ADARB2: variants seen among roughly 807,000 people sequenced by gnomAD.
ADARB2 encodes the protein inactive double-stranded RNA-specific editase B2.
Under a neutral mutation model 62.2 loss-of-function variants are expected in ADARB2, and 25 were observed. The ratio of observed to expected loss-of-function variants is 0.40; its 90% CI spans 0.29 to 0.56. The LOEUF is 0.56. Ranked by LOEUF, ADARB2 falls within the 20% of genes least tolerant of loss-of-function variation. The pLI is 0.43. For synonymous variants in ADARB2, 572 were observed against 500.8 expected (o/e 1.14, Z -1.90); for missense variants, 1,071 against 1,077.4 (o/e 0.99, Z 0.08).
At chr10:1,709,661 A>G (rs1834928624) in intron 1 of ADARB2, among the ~76,000 whole-genome samples, 1 of 152,210 alleles carries the variant, frequency 6.6e-6, no homozygotes, top group Non-Finnish European at 1.5e-5. Context: ...ACATTCTGAA[A>G]GTATCTTCAA....
In ADARB2 at chr10:1,613,701, G is replaced by T. The variant is rs138641276; in HGVS notation, c.100+123350C>A. Reference sequence around the variant, plus strand: ...GAGTCTTCAAAGGTGGAGTTGAATAGACATGTTTCTTATTAGCTGGTTTCT... The same window carrying T: ...GAGTCTTCAAAGGTGGAGTTGAATATACATGTTTCTTATTAGCTGGTTTCT... On this transcript the variant is annotated intron_variant, in intron 1 of 9. Coordinates refer to ENST00000381312, the MANE Select transcript of ADARB2 (RefSeq NM_018702.4). 3.0e-3 allele frequency among the ~76,000 whole-genome samples: 463 copies of T among 152,312 alleles called. 3 individuals carry two copies. Among genetic ancestry groups the T allele is most frequent in the African/African-American group, 0.01 (436 of 41,548 alleles).
At chr10:1,581,642 G>T (rs1157668512) in intron 1 of ADARB2, among the ~76,000 whole-genome samples, 2 of 152,196 alleles carry the variant, frequency 1.3e-5, no homozygotes, top group African/African-American at 4.8e-5. Context: ...GTGTGTGTGT[G>T]TATACCTATA....
rs1830627991 is a variant in ADARB2, at chr10:1,216,750, CAG to C, written c.1682+199_1682+200del. On this transcript the variant is annotated intron_variant, in intron 7 of 9. Coordinates refer to ENST00000381312, the MANE Select transcript of ADARB2 (RefSeq NM_018702.4). ...CTCGGGTGGCAGGGCCTTGCTCCCT[CAG>C]GGACTCGGGGTGCCTTGGCCTCAGG... 7.0e-6 allele frequency: 5 copies of C among 714,086 alleles called. No homozygotes were observed. In the South Asian group the frequency reaches 9.5e-5, roughly 14 times the overall value. The allele number at this position is 714,086 out of a possible 1,614,324, so 44.2% of individuals were successfully genotyped here.
chr10:1,611,079 A>G (rs1005776026), intron 1 of ADARB2, among the ~76,000 whole-genome samples: 1 of 152,198 alleles, frequency 6.6e-6, no homozygotes, highest in African/African-American at 2.4e-5. Flanking sequence ...CGTGTCTGCA[A>G]GTAGTCCTAA....
intron 1 of ADARB2, among the ~76,000 whole-genome samples, chr10:1,631,958 G>T (rs1281821935): frequency 6.6e-6 from 1 of 151,968 alleles, no homozygotes. Flanking sequence ...ATCTTAGAGA[G>T]GAGCTTGCCA....
At chr10:1,507,564 T>G in intron 1 of ADARB2, among the ~76,000 whole-genome samples, 1 of 152,180 alleles carries the variant, frequency 6.6e-6, no homozygotes, top group East Asian at 1.9e-4. Flanking sequence ...CGTCTGGAGA[T>G]GTTTACCCTC....
intron 1 of ADARB2, among the ~76,000 whole-genome samples, chr10:1,640,684 A>G (rs1266082471): frequency 6.6e-6 from 1 of 152,210 alleles, no homozygotes; most frequent in African/African-American, 2.4e-5. Flanking sequence ...ACATGCACAC[A>G]CATAAATGTC....
chr10:1,334,624 A>G lies in ADARB2; in HGVS notation c.1077+28404T>C, dbSNP rs185074325. 1.3e-3 allele frequency among the ~76,000 whole-genome samples: 192 copies of G among 152,372 alleles called. 2 individuals are homozygous for G. Among genetic ancestry groups the G allele is most frequent in the African/African-American group, 4.4e-3 (183 of 41,582 alleles). On this transcript the variant is annotated intron_variant, in intron 3 of 9. Transcript: ENST00000381312. ...TATAACTTTAATAGATGAATCTTTA[A>G]GATTGCAAGGCCGATTATTTTCTGT...
At chr10:1,311,623 C>T (rs542913052) in intron 3 of ADARB2, among the ~76,000 whole-genome samples, 1 of 152,202 alleles carries the variant, frequency 6.6e-6, no homozygotes, top group Non-Finnish European at 1.5e-5. Flanking sequence ...CCCCACCACA[C>T]AGATGAAGAC....
chr10:1,461,814 A>G (rs1831178240), intron 1 of ADARB2, among the ~76,000 whole-genome samples: 1 of 152,156 alleles, frequency 6.6e-6, no homozygotes, highest in Admixed American at 6.5e-5. Context: ...ATCCTGGCCA[A>G]CATGGTGAAA....
At chr10:1,427,840 C>T (rs908216165) in intron 1 of ADARB2, among the ~76,000 whole-genome samples, 1 of 152,176 alleles carries the variant, frequency 6.6e-6, no homozygotes, top group Non-Finnish European at 1.5e-5. Context: ...AGGTGTTCAT[C>T]AGTGGTGAAT....
intron 2 of ADARB2, among the ~76,000 whole-genome samples, chr10:1,375,972 TGCACACACAC>T (rs1166254870): frequency 7.5e-4 from 112 of 149,750 alleles, no homozygotes; most frequent in African/African-American, 2.6e-3. Flanking sequence ...CACACACATG[TGCACACACAC>T]GCACACACAC....
intron 4 of ADARB2, among the ~76,000 whole-genome samples, chr10:1,251,423 C>A (rs1037460198): frequency 6.6e-6 from 1 of 152,042 alleles, no homozygotes; most frequent in East Asian, 1.9e-4. Context: ...GGGGATGAGG[C>A]GGGGAAGGGA....
At chr10:1,561,868 C>T (rs902413195) in intron 1 of ADARB2, among the ~76,000 whole-genome samples, 1 of 152,240 alleles carries the variant, frequency 6.6e-6, no homozygotes, top group Admixed American at 6.5e-5. Flanking sequence ...ACTCCACTTC[C>T]CCTCTCCCAC....
At chr10:1,430,971 G>A (rs1190309190) in intron 1 of ADARB2, among the ~76,000 whole-genome samples, 1 of 152,168 alleles carries the variant, frequency 6.6e-6, no homozygotes, top group East Asian at 1.9e-4. Flanking sequence ...TTACCTTGGG[G>A]TCTGTCAACA....
intron 3 of ADARB2, among the ~76,000 whole-genome samples, chr10:1,359,873 C>T (rs1022366262): frequency 2.6e-4 from 39 of 152,256 alleles, no homozygotes; most frequent in African/African-American, 9.2e-4. Flanking sequence ...TTGCAGTAGG[C>T]TCCTCAGCGG....
At chr10:1,438,455 CGGT>C (rs1830859808) in intron 1 of ADARB2, among the ~76,000 whole-genome samples, 2 of 144,968 alleles carry the variant, frequency 1.4e-5, no homozygotes, top group African/African-American at 2.7e-5. Flanking sequence ...TGAGTCTCCT[CGGT>C]GGACAGAAGC....
At chr10:1,383,223 G>A (rs1426975586) in intron 1 of ADARB2, among the ~76,000 whole-genome samples, 1 of 152,196 alleles carries the variant, frequency 6.6e-6, no homozygotes. Flanking sequence ...GCAACACTGA[G>A]GTTCTGAGGT....
At chr10:1,330,264 A>G (rs1206905853) in intron 3 of ADARB2, among the ~76,000 whole-genome samples, 2 of 152,196 alleles carry the variant, frequency 1.3e-5, no homozygotes, top group African/African-American at 2.4e-5. Context: ...TAGGCTGGCC[A>G]TGGTCATGGC....
Sources: allele counts gnomAD v4.1 joint callset (sites outside exome capture counted in the v4.1 genomes callset), GRCh38; gene constraint gnomAD v4.1.1; transcripts MANE v1.5; gene names NCBI Gene and HGNC (gene_info 2026-07-23, HGNC 2026-07-21).